Variants in SNTG1 observed in about 807,000 individuals in gnomAD.
The protein encoded by SNTG1 is gamma-1-syntrophin.
SNTG1 carries 39 observed loss-of-function variants against 74.7 expected under a neutral mutation model. That is an observed-to-expected ratio of 0.52 (90% CI 0.40 to 0.68). The LOEUF (loss-of-function observed/expected upper bound fraction) is 0.68. SNTG1 is among the 30% of genes least tolerant of loss of function. SNTG1 has a pLI of 0.00. For missense variants in SNTG1, 685 were observed against 609.5 expected, an observed-to-expected ratio of 1.12 and a Z score of -1.30; for synonymous variants, 254 against 217.1, an observed-to-expected ratio of 1.17 and a Z score of -1.49.
intron 16 of SNTG1, among the ~76,000 whole-genome samples, chr8:50,706,996 G>A (rs2131542168): frequency 6.6e-6 from 1 of 151,658 alleles, no homozygotes; most frequent in South Asian, 2.1e-4. Context: ...TTGTTTTTAA[G>A]GAAACAAATT....
chr8:50,465,228 C>T (rs1437766646), intron 8 of SNTG1, among the ~76,000 whole-genome samples: 2 of 152,074 alleles, frequency 1.3e-5, no homozygotes, highest in Non-Finnish European at 2.9e-5. Context: ...ATCTGTCATT[C>T]ATTTATTTAA....
At chr8:50,087,835 G>C (rs1480982972) in intron 1 of SNTG1, among the ~76,000 whole-genome samples, 1 of 150,768 alleles carries the variant, frequency 6.6e-6, no homozygotes, top group Non-Finnish European at 1.5e-5. Flanking sequence ...CATTGTGCAG[G>C]TTAGTTACAT....
chr8:50,146,052 G>C (rs1035482895), intron 1 of SNTG1, among the ~76,000 whole-genome samples: 1 of 151,742 alleles, frequency 6.6e-6, no homozygotes, highest in Admixed American at 6.6e-5. Context: ...ACTTATTAAG[G>C]CACTTTGGAA....
chr8:50,629,716 C>T (rs2094983092), intron 13 of SNTG1, among the ~76,000 whole-genome samples: 1 of 152,112 alleles, frequency 6.6e-6, no homozygotes, highest in Non-Finnish European at 1.5e-5. Flanking sequence ...GTAAGATTTA[C>T]ATATAGCATT....
chr8:50,290,542 G>T (rs2089037623), intron 2 of SNTG1, among the ~76,000 whole-genome samples: 1 of 152,102 alleles, frequency 6.6e-6, no homozygotes, highest in African/African-American at 2.4e-5. Context: ...CTTTTAGTTT[G>T]CAGTTTCCGA....
At chr8:50,144,189 A>G (rs1166857338) in intron 1 of SNTG1, among the ~76,000 whole-genome samples, 2 of 152,254 alleles carry the variant, frequency 1.3e-5, no homozygotes, top group Non-Finnish European at 2.9e-5. Context: ...AAGATATGCT[A>G]TACGAAACCA....
At chr8:50,494,202 A>G (rs973051771) in intron 8 of SNTG1, among the ~76,000 whole-genome samples, 2 of 151,788 alleles carry the variant, frequency 1.3e-5, no homozygotes, top group African/African-American at 2.4e-5. Flanking sequence ...GAAATTAATT[A>G]TATTCATAAT....
intron 1 of SNTG1, among the ~76,000 whole-genome samples, chr8:50,156,780 A>G (rs1458470984): frequency 6.6e-6 from 1 of 152,124 alleles, no homozygotes; most frequent in South Asian, 2.1e-4. Flanking sequence ...AGGCGCTGAC[A>G]TCATTATTAA....
intron 8 of SNTG1, among the ~76,000 whole-genome samples, chr8:50,464,164 C>G (rs1421567285): frequency 6.6e-6 from 1 of 152,168 alleles, no homozygotes; most frequent in Non-Finnish European, 1.5e-5. Context: ...TCTATTCAGA[C>G]AACTAAAACT....
At chr8:50,548,156 G>C (rs759421824) in intron 11 of SNTG1, among the ~76,000 whole-genome samples, 9 of 152,242 alleles carry the variant, frequency 5.9e-5, no homozygotes, top group Middle Eastern at 3.4e-3. Flanking sequence ...GGAAGAAAAG[G>C]GTATTCATTT....
intron 4 of SNTG1, among the ~76,000 whole-genome samples, chr8:50,421,878 T>G (rs1288120460): frequency 6.6e-6 from 1 of 152,136 alleles, no homozygotes; most frequent in Non-Finnish European, 1.5e-5. Context: ...ATCTTGAAAT[T>G]ACAGACATAA....
At chr8:49,945,809 C>G (rs1207307095) in intron 1 of SNTG1, among the ~76,000 whole-genome samples, 1 of 152,150 alleles carries the variant, frequency 6.6e-6, no homozygotes, top group Non-Finnish European at 1.5e-5. Context: ...CATGGCCAAG[C>G]AGGAAAGGAG....
intron 3 of SNTG1, among the ~76,000 whole-genome samples, chr8:50,398,877 C>G (rs2092764411): frequency 6.6e-6 from 1 of 152,170 alleles, no homozygotes; most frequent in Non-Finnish European, 1.5e-5. Context: ...TTGTAGTGAG[C>G]CAAGATCGCT....
chr8:50,502,186 G>A (rs1359030406), intron 8 of SNTG1, among the ~76,000 whole-genome samples: 2 of 152,036 alleles, frequency 1.3e-5, no homozygotes, highest in African/African-American at 2.4e-5. Flanking sequence ...CAGGTTTGCA[G>A]GGGAAAGAAA....
chr8:50,791,585 G>T (rs1051932044), intron 18 of SNTG1, among the ~76,000 whole-genome samples: 1 of 151,682 alleles, frequency 6.6e-6, no homozygotes, highest in African/African-American at 2.4e-5. Context: ...ATAAAGTATT[G>T]AATATTTTGT....
intron 1 of SNTG1, among the ~76,000 whole-genome samples, chr8:50,094,221 G>A (rs2079846144): frequency 1.3e-5 from 2 of 151,942 alleles, no homozygotes; most frequent in Admixed American, 1.3e-4. Context: ...AGAAATGAGA[G>A]ATTATTGTGC....
chr8:50,017,097 C>A (rs1185620600), intron 1 of SNTG1, among the ~76,000 whole-genome samples: 1 of 152,050 alleles, frequency 6.6e-6, no homozygotes, highest in Non-Finnish European at 1.5e-5. Context: ...AACTGAAATG[C>A]AAGGACAGTA....
At chr8:50,200,259 G>C (rs1043695039) in intron 2 of SNTG1, among the ~76,000 whole-genome samples, 1 of 152,126 alleles carries the variant, frequency 6.6e-6, no homozygotes, top group African/African-American at 2.4e-5. Context: ...TCCAAGGGTC[G>C]CATTGAGCAA....
intron 1 of SNTG1, among the ~76,000 whole-genome samples, chr8:50,100,288 G>A: frequency 6.6e-6 from 1 of 151,912 alleles, no homozygotes; most frequent in Non-Finnish European, 1.5e-5. Flanking sequence ...GGGAGGGAAG[G>A]AAAAGGACAG....
Sources: allele counts gnomAD v4.1 joint callset (sites outside exome capture counted in the v4.1 genomes callset), GRCh38; gene constraint gnomAD v4.1.1; transcripts MANE v1.5; gene names NCBI Gene and HGNC (gene_info 2026-07-23, HGNC 2026-07-21).